PDE4D: variants seen among roughly 807,000 people sequenced by gnomAD.
The protein encoded by PDE4D is 3',5'-cyclic-AMP phosphodiesterase 4D.
A neutral mutation model predicts 87.4 loss-of-function variants in PDE4D; 24 were observed. The ratio of observed to expected loss-of-function variants is 0.27; its 90% CI spans 0.20 to 0.39. The LOEUF (loss-of-function observed/expected upper bound fraction) is 0.39, where lower values mean the gene tolerates loss of function less well. Among genes scored for constraint, PDE4D ranks in the 10% least tolerant of loss-of-function variants. The pLI is 1.00. For missense variants in PDE4D, 714 were observed against 1,041.0 expected (o/e 0.69, Z 4.32); for synonymous variants, 384 against 383.2 (o/e 1.00, Z -0.02).
chr5:59,107,711 T>C (rs1204920902), intron 5 of PDE4D, among the ~76,000 whole-genome samples: 1 of 152,188 alleles, frequency 6.6e-6, no homozygotes, highest in African/African-American at 2.4e-5. Flanking sequence ...AAGAAGAGAA[T>C]GATATTTCAT....
chr5:59,607,526 G>T (rs1342602429), intron 1 of PDE4D, among the ~76,000 whole-genome samples: 2 of 152,004 alleles, frequency 1.3e-5, no homozygotes, highest in Admixed American at 1.3e-4. Flanking sequence ...AAAGTCATTT[G>T]GTAAAATTGA....
intron 2 of PDE4D, among the ~76,000 whole-genome samples, chr5:59,204,383 A>G (rs1356324568): frequency 2.0e-5 from 3 of 152,230 alleles, no homozygotes; most frequent in Non-Finnish European, 4.4e-5. Context: ...AGGACTCATT[A>G]GAGAAAATAC....
chr5:59,570,853 T>G (rs989586235), intron 1 of PDE4D, among the ~76,000 whole-genome samples: 4 of 152,174 alleles, frequency 2.6e-5, no homozygotes, highest in Non-Finnish European at 4.4e-5. Context: ...AAAAACACAT[T>G]AATCAAGTAG....
intron 1 of PDE4D, among the ~76,000 whole-genome samples, chr5:60,509,446 T>C (rs1446930107): frequency 6.6e-6 from 1 of 152,210 alleles, no homozygotes; most frequent in Admixed American, 6.5e-5. Flanking sequence ...GGATTACAGA[T>C]AAATTTTAGC....
intron 2 of PDE4D, among the ~76,000 whole-genome samples, chr5:60,034,646 G>A (rs1033664131): frequency 1.3e-5 from 2 of 152,086 alleles, no homozygotes; most frequent in African/African-American, 4.8e-5. Context: ...ACAGGTTATG[G>A]AAATTACGAC....
At chr5:59,721,255 G>GT (rs960407121) in intron 1 of PDE4D, among the ~76,000 whole-genome samples, 2 of 152,020 alleles carry the variant, frequency 1.3e-5, no homozygotes, top group Non-Finnish European at 2.9e-5. Context: ...TATTTCCTGT[G>GT]TATTATTATT....
chr5:60,135,573 G>A (rs1779967292), intron 2 of PDE4D, among the ~76,000 whole-genome samples: 1 of 152,178 alleles, frequency 6.6e-6, no homozygotes, highest in African/African-American at 2.4e-5. Flanking sequence ...AAAGAAGGTA[G>A]CTGGATGGAG....
At chr5:59,553,774 C>T (rs940957098) in intron 1 of PDE4D, among the ~76,000 whole-genome samples, 4 of 151,906 alleles carry the variant, frequency 2.6e-5, no homozygotes, top group Non-Finnish European at 5.9e-5. Flanking sequence ...ATTTTAGGAA[C>T]GAGTATAGTA....
chr5:60,090,031 T>TC (rs1383981993), intron 2 of PDE4D, among the ~76,000 whole-genome samples: 1 of 152,022 alleles, frequency 6.6e-6, no homozygotes, highest in East Asian at 1.9e-4. Flanking sequence ...TAATAAAGCC[T>TC]CCTATTAAAG....
intron 3 of PDE4D, among the ~76,000 whole-genome samples, chr5:59,936,481 ATAC>A (rs1756591273): frequency 6.6e-6 from 1 of 152,194 alleles, no homozygotes; most frequent in African/African-American, 2.4e-5. Context: ...GCTGCACAAA[ATAC>A]TATTTTGTCA....
intron 1 of PDE4D, among the ~76,000 whole-genome samples, chr5:60,191,877 T>C (rs1785225989): frequency 6.6e-6 from 1 of 151,914 alleles, no homozygotes; most frequent in African/African-American, 2.4e-5. Context: ...GGCAGGCACC[T>C]GTAACCCAGC....
chr5:59,550,636 G>A (rs1817960167), intron 1 of PDE4D, among the ~76,000 whole-genome samples: 1 of 150,878 alleles, frequency 6.6e-6, no homozygotes, highest in South Asian at 2.1e-4. Flanking sequence ...CACCAATTGT[G>A]TTTCTTATGG....
Position 59,153,752 on chromosome 5 carries a change from G to GTT in PDE4D, c.808+26841_808+26842dup, listed in dbSNP as rs34209888. ...AAGAATTGCTATACTGGTGGGCAGG[G>GTT]TTTTTTTTTTTGTTGTTGTTGTTTT... On this transcript the variant is annotated intron_variant, in intron 5 of 14. Transcript: ENST00000340635. Among the ~76,000 whole-genome samples, 1,264 of 149,012 alleles carry GTT rather than the reference G, an allele frequency of 8.5e-3. 11 individuals are homozygous for GTT. Among genetic ancestry groups the GTT allele is most frequent in the Non-Finnish European group, 0.01 (692 of 67,322 alleles).
chr5:59,714,445 G>A (rs1392327520), intron 1 of PDE4D, among the ~76,000 whole-genome samples: 1 of 152,210 alleles, frequency 6.6e-6, no homozygotes, highest in Non-Finnish European at 1.5e-5. Flanking sequence ...GACAAATAGA[G>A]GCCACATGTG....
intron 1 of PDE4D, among the ~76,000 whole-genome samples, chr5:59,217,773 C>A (rs1751574961): frequency 6.6e-6 from 1 of 152,140 alleles, no homozygotes. Flanking sequence ...GGCACCCAAA[C>A]AGGGGACATC....
At chr5:60,092,988 A>G (rs1196681932) in intron 2 of PDE4D, among the ~76,000 whole-genome samples, 1 of 152,202 alleles carries the variant, frequency 6.6e-6, no homozygotes, top group East Asian at 1.9e-4. Context: ...CAGTCTTACC[A>G]CACCAAAACT....
intron 1 of PDE4D, among the ~76,000 whole-genome samples, chr5:59,452,843 C>T (rs1799370635): frequency 6.6e-6 from 1 of 152,152 alleles, no homozygotes; most frequent in Non-Finnish European, 1.5e-5. Flanking sequence ...CTGTAAGAAT[C>T]ATGAGGACAA....
chr5:59,187,110 C>A (rs975580796), intron 3 of PDE4D, among the ~76,000 whole-genome samples: 1 of 151,962 alleles, frequency 6.6e-6, no homozygotes, highest in African/African-American at 2.4e-5. Context: ...CAGTTGACAG[C>A]TGGGTAAATA....
intron 1 of PDE4D, among the ~76,000 whole-genome samples, chr5:59,358,595 A>G (rs1294646094): frequency 2.6e-5 from 4 of 152,146 alleles, no homozygotes; most frequent in Non-Finnish European, 5.9e-5. Flanking sequence ...TGGCAGAGTT[A>G]GCACTGAGCT....
Sources: allele counts gnomAD v4.1 joint callset (sites outside exome capture counted in the v4.1 genomes callset), GRCh38; gene constraint gnomAD v4.1.1; transcripts MANE v1.5; gene names NCBI Gene and HGNC (gene_info 2026-07-23, HGNC 2026-07-21).